TRPT1: variants seen among roughly 807,000 people sequenced by gnomAD.
TRPT1 encodes tRNA phosphotransferase 1, also known as tRNA 2'-phosphotransferase 1.
A neutral mutation model predicts 28.4 loss-of-function variants in TRPT1; 22 were observed. The observed-to-expected ratio is 0.78, with a 90% CI of 0.55 to 1.11. The LOEUF (loss-of-function observed/expected upper bound fraction) is 1.11, where lower values mean the gene tolerates loss of function less well. TRPT1 is among the 50% of genes least tolerant of loss of function. The pLI, the probability that TRPT1 is intolerant of heterozygous loss-of-function variation, is 0.00. For missense variants in TRPT1, 308 were observed against 317.7 expected, an observed-to-expected ratio of 0.97 and a Z score of 0.23; for synonymous variants, 137 against 132.4, an observed-to-expected ratio of 1.03 and a Z score of -0.24.
At position 64,225,548 on chromosome 11, in the gene TRPT1, G is replaced by C; in HGVS notation, c.108C>G (p.Ser36=). The change falls in exon 3 of 8, where the codon TCC becomes TCG. Residue 36 remains serine (S), a synonymous_variant. Transcript: ENST00000317459. ...TCAAGGCCCCATGGCGCAGGGCATA[G>C]GACAGAGCCTTGGACAGCTGCACGT... The part of the protein sequence containing the change: ...DRDVQLSKAL[S]YALRHGALKL... 6.2e-7 allele frequency: 1 copy of C among 1,612,868 alleles called. No individual in the cohort carries two copies. The highest frequency in any genetic ancestry group is 8.5e-7 in the Non-Finnish European group (1 of 1,179,682).
In TRPT1 at chr11:64,223,962, G is replaced by T. The variant is rs1272727810; in HGVS notation, c.676C>A (p.Pro226Thr). 3 of 1,613,196 alleles carry T rather than the reference G, an allele frequency of 1.9e-6. No individual in the cohort carries two copies. In the South Asian group the frequency reaches 3.3e-5, roughly 18 times the overall value. ...EALQLRPTRKPLSLAGDEETE... is the reference protein window; with the variant it reads ...EALQLRPTRKTLSLAGDEETE... ...TCTTCATCACCAGCCAAGGAAAGGG[G>T]CTTTCCTGATAAAGACAAGAGTTGG... Residue 226 changes from proline (P) to threonine (T), a missense_variant, in exon 8 of 8, where the codon CCC becomes ACC. Physicochemically the swap from Pro to Thr is conservative, Grantham distance 38 (BLOSUM62 -1). Coordinates refer to ENST00000317459, the MANE Select transcript of TRPT1 (RefSeq NM_001033678.4).
chr11:64,225,100 A>C, intron 3 of TRPT1, 130 bp from the exon 4 acceptor site: 1 of 1,049,718 alleles, frequency 9.5e-7, no homozygotes, highest in East Asian at 2.6e-5. Context: ...GGACCTTTAG[A>C]AAGTCTCCCC....
Position 64,225,813 on chromosome 11 carries a change from A to C in TRPT1, c.48T>G (p.Gly16=), listed in dbSNP as rs766386112. The C allele has an allele frequency of 1.3e-6, 2 of 1,553,814 alleles. No homozygotes were observed. The highest frequency in any genetic ancestry group is 2.4e-5 in the South Asian group (2 of 84,282). Residue 16 remains glycine (G), a synonymous_variant, in exon 2 of 8, where the codon GGT becomes GGG. Coordinates refer to ENST00000317459, the MANE Select transcript of TRPT1 (RefSeq NM_001033678.4). ...GTTCTCGGGGTCTGGGAGCCCTTCT[A>C]CCCCTGGACCCTGCTGCTTCCTGCC... ...GGRQEAAGSR[G]RRAPRPREQD...
At chr11:64,225,721 C>T in intron 2 of TRPT1, 65 bp downstream of exon 2, 1 of 1,421,918 alleles carries the variant, frequency 7.0e-7, no homozygotes. Flanking sequence ...GACCCTTCAG[C>T]TCCGCCCCCC....
At chr11:64,224,372 C>A (rs1399203168) in intron 5 of TRPT1, 31 bp from the exon 6 acceptor site, 8 of 1,612,864 alleles carry the variant, frequency 5.0e-6, no homozygotes, top group Non-Finnish European at 6.8e-6. Flanking sequence ...GAGGCCTGGG[C>A]ACCTGGAGTG....
chr11:64,223,805 A>G (rs1445633072), downstream of TRPT1: 4 of 1,101,856 alleles, frequency 3.6e-6, no homozygotes, highest in Non-Finnish European at 5.3e-6. Flanking sequence ...TAGCTACAGG[A>G]TGATGAAACA....
chr11:64,223,873 AT>A lies in TRPT1; in HGVS notation c.*2del. On this transcript the variant is annotated 3_prime_UTR_variant, in exon 8 of 8. Transcript: ENST00000317459. ...TAAAATTTCTTTTTTATAAATTAAT[AT>A]TTTATTGTTGGATCCTCCTCCTTTC... 1.3e-6 allele frequency: 2 copies of A among 1,573,522 alleles called. No homozygotes were observed. Among genetic ancestry groups the A allele is most frequent in the Non-Finnish European group, 8.6e-7 (1 of 1,158,680 alleles).
intron 6 of TRPT1, 28 bp from the exon 7 acceptor site, chr11:64,224,238 A>C: frequency 1.2e-6 from 2 of 1,613,576 alleles, no homozygotes; most frequent in Non-Finnish European, 1.7e-6. Context: ...GATGTGACTC[A>C]TGCCCTCCCC....
chr11:64,224,379 AGTGCAG>A, intron 5 of TRPT1, 38 bp from the exon 6 acceptor site: 1 of 1,612,650 alleles, frequency 6.2e-7, no homozygotes, highest in Non-Finnish European at 8.5e-7. Context: ...GGGCACCTGG[AGTGCAG>A]TCAGCAACCT....
chr11:64,225,283 G>C (rs1177656861), intron 3 of TRPT1: 1 of 611,154 alleles, frequency 1.6e-6, no homozygotes, highest in Non-Finnish European at 2.9e-6. Flanking sequence ...TGCTTGGCTG[G>C]AGGGGGCGGT....
chr11:64,224,535 G>A lies in TRPT1; in HGVS notation c.502+8C>T, dbSNP rs1445160678. The A allele has an allele frequency of 1.9e-6, 3 of 1,563,194 alleles. No individual in the cohort carries two copies. Among genetic ancestry groups the A allele is most frequent in the Admixed American group, 1.8e-5 (1 of 55,892 alleles). On this transcript the variant is annotated splice_region_variant and intron_variant, in intron 5 of 7. Coordinates refer to ENST00000317459, the MANE Select transcript of TRPT1 (RefSeq NM_001033678.4). ...TGGGAGTAGCTAGGTGGAGGGGAGG[G>A]CACTGACCACTGATGATACCGGGGT... is the stretch of plus-strand genomic sequence containing the variant.
intron 3 of TRPT1, 93 bp downstream of exon 3, chr11:64,225,406 A>G: frequency 1.9e-6 from 2 of 1,062,036 alleles, no homozygotes; most frequent in South Asian, 1.4e-5. Flanking sequence ...TGCCTTCCTC[A>G]GGGAGCGGTG....
rs953841445 is a variant in TRPT1, at chr11:64,224,721, G to C, written c.328-4C>G. On this transcript the variant is annotated splice_polypyrimidine_tract_variant and splice_region_variant and intron_variant, in intron 4 of 7. Transcript: ENST00000317459. ...GCATCAGCTCCAACTTAGGTACCTG[G>C]TTGAACGGGTAGCAGTGAGACCCCC... The C allele has an allele frequency of 6.3e-7, 1 of 1,597,842 alleles. No individual in the cohort carries two copies. The highest frequency in any genetic ancestry group is 1.3e-5 in the African/African-American group (1 of 74,746).
chr11:64,223,999 G>A (rs1449196505), intron 7 of TRPT1, 32 bp from the exon 8 acceptor site: 1 of 1,599,568 alleles, frequency 6.3e-7, no homozygotes, highest in East Asian at 2.2e-5. Flanking sequence ...TAGAGAAAGG[G>A]ACACCTAAGT....
In TRPT1 at chr11:64,224,823, G is replaced by GCCCATT. The variant is rs777212222; in HGVS notation, c.304_305insAATGGG (p.Arg101_Ala102insGluTrp). On this transcript the variant is annotated inframe_insertion, in exon 4 of 8. Coordinates refer to ENST00000317459, the MANE Select transcript of TRPT1 (RefSeq NM_001033678.4). The stretch of plus-strand genomic sequence containing the variant: ...GACCTGCAGGGAATGGCCCTGGTTG[G>GCCCATT]CCCGGATGAGAAGGCCAGTGCTGGG... The GCCCATT allele has an allele frequency of 1.2e-6, 2 of 1,613,728 alleles. No homozygotes were observed. The highest frequency in any genetic ancestry group is 1.7e-6 in the Non-Finnish European group (2 of 1,180,002).
chr11:64,224,843 G>A lies in TRPT1; in HGVS notation c.285C>T (p.Ser95=), dbSNP rs1162288516. ...GGTTGGCCCGGATGAGAAGGCCAGT[G>A]CTGGGATCCCCCAGCTGCAGGGCGA... The part of the protein sequence containing the change: ...QRFALQLGDP[S]TGLLIRANQG... Residue 95 remains serine, a synonymous_variant, in exon 4 of 8, where the codon AGC becomes AGT. Transcript: ENST00000317459. The A allele has an allele frequency of 1.9e-6, 3 of 1,613,640 alleles. No individual in the cohort carries two copies.
In TRPT1 at chr11:64,226,088, AG is replaced by A. The variant is rs1947000814; in HGVS notation, c.-49del. On this transcript the variant is annotated 5_prime_UTR_variant, in exon 1 of 8. Coordinates refer to ENST00000317459, the MANE Select transcript of TRPT1 (RefSeq NM_001033678.4). Reference sequence around the variant, plus strand: ...GTCAGCCAGGAGCGCAGGGAGGCCGAGCCCCGCACCCCAGATCGCTGGTGCG... The same window carrying A: ...GTCAGCCAGGAGCGCAGGGAGGCCGACCCCGCACCCCAGATCGCTGGTGCG... The A allele has an allele frequency of 1.8e-6, 1 of 541,514 alleles. No individual in the cohort carries two copies. The highest frequency in any genetic ancestry group is 3.3e-6 in the Non-Finnish European group (1 of 307,312). 33.5% of individuals were successfully genotyped at this position (541,514 alleles called of 1,614,324 possible).
In TRPT1 at chr11:64,224,086, G is replaced by A; in HGVS notation, c.670+14C>T. 6.2e-7 allele frequency: 1 copy of A among 1,603,888 alleles called. No individual in the cohort carries two copies. The highest frequency in any genetic ancestry group is 8.5e-7 in the Non-Finnish European group (1 of 1,172,674). ...TCAGGAACAAGGAATAGGGGCTGGG[G>A]TGGTGGTTCTCACGGGTAGGGCGTA... is the stretch of plus-strand genomic sequence containing the variant. On this transcript the variant is annotated intron_variant, in intron 7 of 7. Coordinates refer to ENST00000317459, the MANE Select transcript of TRPT1 (RefSeq NM_001033678.4).
At position 64,224,202 on chromosome 11, in the gene TRPT1, G is replaced by C. The variant is rs1344836726; in HGVS notation, c.568C>G (p.Pro190Ala). Reference protein sequence around the residue: ...DGPLALADGIPFFRSANGVIL... With the variant: ...DGPLALADGIAFFRSANGVIL... ...ACCCCATTGGCAGAGCGGAAGAAGG[G>C]TATTCCATCTGCTGACAGAGCCAGA... is the stretch of plus-strand genomic sequence containing the variant. The change falls in exon 7 of 8, where the codon CCC becomes GCC. Residue 190 changes from proline (P) to alanine (A), a missense_variant. Coordinates refer to ENST00000317459, the MANE Select transcript of TRPT1 (RefSeq NM_001033678.4). 1 of 1,611,932 alleles carries C rather than the reference G, an allele frequency of 6.2e-7. No individual in the cohort carries two copies. The highest frequency in any genetic ancestry group is 1.3e-5 in the African/African-American group (1 of 74,914).
Sources: gnomAD v4.1 joint callset for allele counts on GRCh38, gnomAD v4.1.1 for gene constraint, MANE v1.5 for transcripts, NCBI Gene and HGNC (gene_info 2026-07-23, HGNC 2026-07-21) for gene names.